The following GUCY2C variants were observed in gnomAD, a reference collection of about 807,000 sequenced individuals.
GUCY2C encodes guanylyl cyclase C.
Under a neutral mutation model 131.1 loss-of-function variants are expected in GUCY2C, and 118 were observed. The ratio of observed to expected loss-of-function variants is 0.90; its 90% CI spans 0.78 to 1.05. The LOEUF (loss-of-function observed/expected upper bound fraction) is 1.05, where lower values mean the gene tolerates loss of function less well. Ranked by LOEUF, GUCY2C falls within the 50% of genes least tolerant of loss-of-function variation. The pLI is 0.00. For missense variants in GUCY2C, 1,161 were observed against 1,304.4 expected (o/e 0.89, Z 1.69); for synonymous variants, 452 against 457.8 (o/e 0.99, Z 0.16).
chr12:14,686,412 G>C (rs1335388308), intron 2 of GUCY2C, among the ~76,000 whole-genome samples, 187 bp from the exon 3 acceptor site: 1 of 152,154 alleles, frequency 6.6e-6, no homozygotes, highest in Admixed American at 6.5e-5. Flanking sequence ...AGGTTCGAGA[G>C]GGAAAACACA....
At chr12:14,645,709 C>T (rs2137028297) in intron 15 of GUCY2C, among the ~76,000 whole-genome samples, 1 of 152,076 alleles carries the variant, frequency 6.6e-6, no homozygotes, top group East Asian at 1.9e-4. Context: ...TGTTTTTACT[C>T]ACATAATCAG....
intron 10 of GUCY2C, among the ~76,000 whole-genome samples, chr12:14,663,846 GT>G (rs1306089921): frequency 6.6e-6 from 1 of 151,918 alleles, no homozygotes; most frequent in Non-Finnish European, 1.5e-5. Flanking sequence ...CCTGGCCCTG[GT>G]CATCTTATTG....
intron 15 of GUCY2C, among the ~76,000 whole-genome samples, chr12:14,648,432 C>T (rs1947570595): frequency 1.3e-5 from 2 of 152,060 alleles, no homozygotes; most frequent in Admixed American, 1.3e-4. Context: ...TCAGAAAAGA[C>T]TCTACAGAAA....
At chr12:14,641,006 A>T in intron 18 of GUCY2C, 76 bp downstream of exon 18, 3 of 1,323,612 alleles carry the variant, frequency 2.3e-6, no homozygotes, top group Non-Finnish European at 3.2e-6. Flanking sequence ...GGTTACAGAC[A>T]GATTAGGGTC....
At chr12:14,695,256 C>T (rs1380225429) in intron 1 of GUCY2C, among the ~76,000 whole-genome samples, 2 of 152,138 alleles carry the variant, frequency 1.3e-5, no homozygotes, top group East Asian at 1.9e-4. Context: ...GGAATCATGG[C>T]TGCTTTTTTT....
intron 10 of GUCY2C, among the ~76,000 whole-genome samples, chr12:14,661,658 C>T (rs931534410): frequency 1.4e-4 from 22 of 152,196 alleles, no homozygotes; most frequent in Admixed American, 5.2e-4. Context: ...GCCATGAACT[C>T]CCGGCCTCAA....
At chr12:14,650,164 T>TG (rs1173786632) in intron 15 of GUCY2C, among the ~76,000 whole-genome samples, 1 of 152,206 alleles carries the variant, frequency 6.6e-6, no homozygotes, top group Non-Finnish European at 1.5e-5. Context: ...TTAAAATGAT[T>TG]GATATTTAAT....
chr12:14,689,449 C>T (rs1948536880), intron 1 of GUCY2C, among the ~76,000 whole-genome samples: 1 of 152,116 alleles, frequency 6.6e-6, no homozygotes, highest in Non-Finnish European at 1.5e-5. Context: ...ATACACCCAT[C>T]AGAAATAGTT....
At chr12:14,652,818 C>T (rs945200613) in intron 13 of GUCY2C, 134 bp downstream of exon 13, 4 of 716,138 alleles carry the variant, frequency 5.6e-6, no homozygotes, top group African/African-American at 1.8e-5. Flanking sequence ...CCCTGTGAAG[C>T]TCTAAGAATA....
Position 14,622,208 on chromosome 12 carries a change from G to A in GUCY2C, c.2409-11C>T, listed in dbSNP as rs771505108. 11 of 1,468,942 alleles carry A rather than the reference G, an allele frequency of 7.5e-6. No individual in the cohort carries two copies. The highest frequency in any genetic ancestry group is 5.6e-5 in the Admixed American group (2 of 35,972). The allele number at this position is 1,468,942 out of a possible 1,614,324, so 91.0% of individuals were successfully genotyped here. On this transcript the variant is annotated splice_polypyrimidine_tract_variant and intron_variant, in intron 21 of 26. Transcript: ENST00000261170. ...GACTTTACCACTAGCCTAGATGAACGAAGGGAAAAAAAATGCCTTCAACTT... is the reference window on the plus strand; with the variant it reads ...GACTTTACCACTAGCCTAGATGAACAAAGGGAAAAAAAATGCCTTCAACTT...
chr12:14,640,040 C>T, intron 18 of GUCY2C, 90 bp from the exon 19 acceptor site: 1 of 847,380 alleles, frequency 1.2e-6, no homozygotes, highest in African/African-American at 1.7e-5. Context: ...TGATTCACTC[C>T]CCTGGATGGC....
chr12:14,686,189 A>T lies in GUCY2C; in HGVS notation c.367T>A (p.Ser123Thr), dbSNP rs940810212. The change falls in exon 3 of 27, where the codon TCA (serine) becomes ACA (threonine). Residue 123 changes from serine (S) to threonine (T), a missense_variant. By Grantham distance (58) the Ser-to-Thr change is moderately conservative. Coordinates refer to ENST00000261170, the MANE Select transcript of GUCY2C (RefSeq NM_004963.4). Reference protein sequence around the residue: ...QRMGCVLIGPSCTYSTFQMYL... With the variant: ...QRMGCVLIGPTCTYSTFQMYL... ...ATCTGGAAGGTGGAGTATGTACATG[A>T]GGGCCCTATGAGGACACAGCCCATC... 1.2e-6 allele frequency: 2 copies of T among 1,607,672 alleles called. No individual in the cohort carries two copies. The highest frequency in any genetic ancestry group is 1.7e-5 in the Admixed American group (1 of 59,994).
At chr12:14,688,685 A>G (rs922477936) in intron 1 of GUCY2C, among the ~76,000 whole-genome samples, 4 of 152,166 alleles carry the variant, frequency 2.6e-5, no homozygotes, top group African/African-American at 7.2e-5. Flanking sequence ...CCCCCTTTCA[A>G]TAGGCTTACA....
intron 6 of GUCY2C, among the ~76,000 whole-genome samples, chr12:14,677,485 G>A (rs1948259448): frequency 6.6e-6 from 1 of 152,126 alleles, no homozygotes; most frequent in South Asian, 2.1e-4. Context: ...CCTAGACAAT[G>A]CCTGGCACAT....
chr12:14,621,976 G>T (rs1171465895), intron 22 of GUCY2C, 29 bp downstream of exon 22: 1 of 1,495,692 alleles, frequency 6.7e-7, no homozygotes. Flanking sequence ...TACAATTAAT[G>T]GTTTCAGCCT....
intron 10 of GUCY2C, among the ~76,000 whole-genome samples, chr12:14,667,305 C>T (rs1948001721): frequency 6.6e-6 from 1 of 152,158 alleles, no homozygotes; most frequent in African/African-American, 2.4e-5. Flanking sequence ...TTTCAGAAGT[C>T]AAGTTTGGTT....
At chr12:14,644,436 T>C (rs1399580820) in intron 16 of GUCY2C, among the ~76,000 whole-genome samples, 1 of 152,226 alleles carries the variant, frequency 6.6e-6, no homozygotes, top group Admixed American at 6.5e-5. Flanking sequence ...GGTTAGAGGG[T>C]GTCTCAGCTG....
At chr12:14,658,096 T>C (rs1947797302) in intron 11 of GUCY2C, among the ~76,000 whole-genome samples, 1 of 152,158 alleles carries the variant, frequency 6.6e-6, no homozygotes. Flanking sequence ...TTTAATAGAG[T>C]ATATAGACTC....
At chr12:14,627,121 TCTC>T (rs887705776) in intron 20 of GUCY2C, among the ~76,000 whole-genome samples, 3 of 152,142 alleles carry the variant, frequency 2.0e-5, no homozygotes, top group Non-Finnish European at 4.4e-5. Flanking sequence ...CACATTGAGT[TCTC>T]CTAGCATTGT....
Sources: allele counts gnomAD v4.1 joint callset (sites outside exome capture counted in the v4.1 genomes callset), GRCh38; gene constraint gnomAD v4.1.1; transcripts MANE v1.5; gene names NCBI Gene and HGNC (gene_info 2026-07-23, HGNC 2026-07-21).